The following FAM124A variants were observed in gnomAD, a reference collection of about 807,000 sequenced individuals.
FAM124A encodes protein FAM124A.
In FAM124A, 23 loss-of-function variants were observed where a neutral mutation model predicts 24.5. That is an observed-to-expected ratio of 0.94 (90% CI 0.68 to 1.33). The LOEUF (loss-of-function observed/expected upper bound fraction) is 1.33. Ranked by LOEUF, FAM124A falls within the 40% of genes most tolerant of loss-of-function variation. FAM124A has a pLI of 0.00. For missense variants in FAM124A, 623 were observed against 722.8 expected, an observed-to-expected ratio of 0.86 and a Z score of 1.58; for synonymous variants, 287 against 314.7, an observed-to-expected ratio of 0.91 and a Z score of 0.93.
At chr13:51,240,487 A>T (rs916821808) in intron 2 of FAM124A, among the ~76,000 whole-genome samples, 5 of 152,216 alleles carry the variant, frequency 3.3e-5, no homozygotes, top group Non-Finnish European at 5.9e-5. Flanking sequence ...TTATGGAGAT[A>T]ATTGGGCCTT....
chr13:51,269,161 A>G (rs1439101080), intron 3 of FAM124A, among the ~76,000 whole-genome samples: 1 of 152,210 alleles, frequency 6.6e-6, no homozygotes, highest in East Asian at 1.9e-4. Context: ...TCTGTGTGCA[A>G]CCTCAGTCAG....
intron 2 of FAM124A, among the ~76,000 whole-genome samples, chr13:51,240,721 T>C (rs1483498060): frequency 1.3e-5 from 2 of 152,218 alleles, no homozygotes; most frequent in African/African-American, 4.8e-5. Context: ...AGTCACCAAC[T>C]CAGACATAAA....
At chr13:51,248,868 A>G (rs1404715343) in intron 2 of FAM124A, among the ~76,000 whole-genome samples, 2 of 151,852 alleles carry the variant, frequency 1.3e-5, no homozygotes, top group African/African-American at 2.4e-5. Flanking sequence ...ATAATCTCCT[A>G]CTCTGCCAAG....
intron 1 of FAM124A, chr13:51,225,416 G>T (rs947963698): frequency 6.6e-6 from 1 of 152,188 alleles, no homozygotes; most frequent in Non-Finnish European, 1.5e-5. Flanking sequence ...AAGCCTTTAT[G>T]TATTTCATGG....
chr13:51,251,114 C>T lies in FAM124A; in HGVS notation c.101-354C>T, dbSNP rs1230533586. 2.0e-5 allele frequency among the ~76,000 whole-genome samples: 3 copies of T among 152,218 alleles called. No individual in the cohort carries two copies. Among genetic ancestry groups the T allele is most frequent in the Non-Finnish European group, 4.4e-5 (3 of 68,042 alleles). On this transcript the variant is annotated intron_variant, in intron 2 of 3. Coordinates refer to ENST00000322475, the MANE Select transcript of FAM124A (RefSeq NM_001242312.2). This position sits in a 1 kb window ranked among gnomAD's most constrained non-coding sequence, Gnocchi z 5.3. ...TGCTATGCCATCTTTTCTAATGGGC[C>T]TGTTGTTCCTTCCAAGTCACTAGAC... is the stretch of plus-strand genomic sequence containing the variant.
chr13:51,280,606 A>G lies in FAM124A; in HGVS notation c.991A>G (p.Ile331Val), dbSNP rs752278031. 2 of 1,614,164 alleles carry G rather than the reference A, an allele frequency of 1.2e-6. No individual in the cohort carries two copies. Among genetic ancestry groups the G allele is most frequent in the South Asian group, 2.2e-5 (2 of 91,076 alleles). The change falls in exon 4 of 4, where the codon ATC becomes GTC. Residue 331 changes from isoleucine to valine, a missense_variant. Transcript: ENST00000322475. ...SPLNSPHPGPIRTGLPPGHQQ... is the reference protein window; with the variant it reads ...SPLNSPHPGPVRTGLPPGHQQ... ...GCTCAACAGTCCTCACCCGGGGCCC[A>G]TCCGGACAGGCCTGCCTCCTGGGCA...
chr13:51,243,897 G>A (rs891761147), intron 2 of FAM124A, among the ~76,000 whole-genome samples: 14 of 152,176 alleles, frequency 9.2e-5, no homozygotes, highest in African/African-American at 3.1e-4. Context: ...TTGTGTGTGT[G>A]ACGCACCGTC....
chr13:51,222,584 G>T lies in FAM124A; in HGVS notation c.68+15G>T. Reference sequence around the variant, plus strand: ...GAGACCGGAGGGTGAGCCGCGCCGGGCCGGGCCGCGGGCGGGGGGCGCTCT... The same window carrying T: ...GAGACCGGAGGGTGAGCCGCGCCGGTCCGGGCCGCGGGCGGGGGGCGCTCT... On this transcript the variant is annotated intron_variant, in intron 1 of 3. Coordinates refer to ENST00000322475, the MANE Select transcript of FAM124A (RefSeq NM_001242312.2). The T allele has an allele frequency of 1.1e-5, 14 of 1,222,584 alleles. No homozygotes were observed. The highest frequency in any genetic ancestry group is 1.4e-5 in the Non-Finnish European group (14 of 982,844). The allele number at this position is 1,222,584 out of a possible 1,614,324, so 75.7% of individuals were successfully genotyped here. A position where few individuals can be genotyped will look rare whatever the true frequency, so the allele number is the denominator to read the frequency against.
rs1954937416 is a variant in FAM124A, at chr13:51,281,293, A to G, written c.*37A>G. 6.6e-7 allele frequency: 1 copy of G among 1,519,090 alleles called. No individual in the cohort carries two copies. Among genetic ancestry groups the G allele is most frequent in the African/African-American group, 1.4e-5 (1 of 72,644 alleles). The allele number at this position is 1,519,090 out of a possible 1,614,324, so 94.1% of individuals were successfully genotyped here. A position where few individuals can be genotyped will look rare whatever the true frequency, so the allele number is the denominator to read the frequency against. On this transcript the variant is annotated 3_prime_UTR_variant, in exon 4 of 4. Coordinates refer to ENST00000322475, the MANE Select transcript of FAM124A (RefSeq NM_001242312.2). ...TCTTGTTCTCGAAACACACAAACTC[A>G]GAGACACAGACTCAGGCCCCACTGC... is the stretch of plus-strand genomic sequence containing the variant.
chr13:51,259,982 G>A (rs1439656350), intron 3 of FAM124A, among the ~76,000 whole-genome samples: 2 of 152,102 alleles, frequency 1.3e-5, no homozygotes, highest in Non-Finnish European at 2.9e-5. Context: ...CAGAGGGGGC[G>A]GTTCAGAGGC....
At chr13:51,270,425 T>G (rs1172726364) in intron 3 of FAM124A, among the ~76,000 whole-genome samples, 1 of 152,216 alleles carries the variant, frequency 6.6e-6, no homozygotes, top group Non-Finnish European at 1.5e-5. Flanking sequence ...ATGGGATTTT[T>G]TTTTAAATTT....
chr13:51,245,089 G>T (rs553668285), intron 2 of FAM124A, among the ~76,000 whole-genome samples: 1 of 152,238 alleles, frequency 6.6e-6, no homozygotes, highest in Non-Finnish European at 1.5e-5. Context: ...GCTATCTCCT[G>T]CAGAGAGAGG....
intron 3 of FAM124A, among the ~76,000 whole-genome samples, chr13:51,257,129 C>T (rs967584281): frequency 6.6e-6 from 1 of 152,194 alleles, no homozygotes; most frequent in Non-Finnish European, 1.5e-5. Flanking sequence ...CTGTGAATAA[C>T]ACCGCTATGA....
chr13:51,276,902 G>A (rs1034169616), intron 3 of FAM124A, among the ~76,000 whole-genome samples: 5 of 152,180 alleles, frequency 3.3e-5, no homozygotes. Context: ...GAGGTGTGAG[G>A]CTGAGGGTAA....
intron 3 of FAM124A, among the ~76,000 whole-genome samples, chr13:51,255,362 A>C (rs2137683924): frequency 6.6e-6 from 1 of 152,340 alleles, no homozygotes; most frequent in African/African-American, 2.4e-5. Context: ...ATTTAAATTT[A>C]AATTTCATTC....
chr13:51,271,932 T>A (rs553938507), intron 3 of FAM124A, among the ~76,000 whole-genome samples: 8 of 152,308 alleles, frequency 5.3e-5, no homozygotes, highest in African/African-American at 1.9e-4. Flanking sequence ...TACCACAGTT[T>A]AGGCGTGGAT....
chr13:51,229,013 G>A lies in FAM124A; in HGVS notation c.69-2335G>A, dbSNP rs113629936. 7.9e-5 allele frequency among the ~76,000 whole-genome samples: 12 copies of A among 152,322 alleles called. 1 individual carries two copies. The highest frequency in any genetic ancestry group is 2.9e-4 in the African/African-American group (12 of 41,582). On this transcript the variant is annotated intron_variant, in intron 1 of 3. Transcript: ENST00000322475. ...AATTACAGGAAATGTGTAGCAGCAT[G>A]TTATGATGGTATCAAGTGAAAAGAG...
At position 51,258,713 on chromosome 13, in the gene FAM124A, C is replaced by T. The variant is rs1382433510; in HGVS notation, c.834+6512C>T. 1.3e-5 allele frequency among the ~76,000 whole-genome samples: 2 copies of T among 152,224 alleles called. No homozygotes were observed. The highest frequency in any genetic ancestry group is 4.8e-5 in the African/African-American group (2 of 41,448). On this transcript the variant is annotated intron_variant, in intron 3 of 3. Transcript: ENST00000322475. This position sits in a 1 kb window ranked among gnomAD's most constrained non-coding sequence, Gnocchi z 4.2. Reference sequence around the variant, plus strand: ...CCACTGCGTTGGGAACCTTTGTTTCCAAATCTGAACACTTAGGATGGTAAT... The same window carrying T: ...CCACTGCGTTGGGAACCTTTGTTTCTAAATCTGAACACTTAGGATGGTAAT...
chr13:51,238,468 A>G (rs747174639), intron 2 of FAM124A, among the ~76,000 whole-genome samples: 11 of 152,260 alleles, frequency 7.2e-5, no homozygotes, highest in Non-Finnish European at 1.2e-4. Flanking sequence ...TTTAAAACCT[A>G]TAGGCTCTAG....
Sources: allele counts gnomAD v4.1 joint callset (sites outside exome capture counted in the v4.1 genomes callset), GRCh38; gene constraint gnomAD v4.1.1; non-coding constraint Gnocchi (gnomAD v3.1); transcripts MANE v1.5; gene names NCBI Gene and HGNC (gene_info 2026-07-23, HGNC 2026-07-21).